PCDH7: variants seen among roughly 807,000 people sequenced by gnomAD.
PCDH7 encodes protocadherin-7.
A neutral mutation model predicts 58.9 loss-of-function variants in PCDH7; 17 were observed. The observed-to-expected ratio is 0.29, with a 90% CI of 0.20 to 0.43. PCDH7 has a LOEUF of 0.43. Ranked by LOEUF, PCDH7 falls within the 20% of genes least tolerant of loss-of-function variation. The pLI, the probability that PCDH7 is intolerant of heterozygous loss-of-function variation, is 1.00. For synonymous variants in PCDH7, 664 were observed against 616.4 expected, an observed-to-expected ratio of 1.08 and a Z score of -1.14; for missense variants, 1,274 against 1,441.0, an observed-to-expected ratio of 0.88 and a Z score of 1.88.
chr4:30,801,673 C>A (rs998425870), intron 1 of PCDH7, among the ~76,000 whole-genome samples: 4 of 151,878 alleles, frequency 2.6e-5, no homozygotes, highest in African/African-American at 9.7e-5. Context: ...ATATTTTAAA[C>A]CAAAGAAAGC....
At chr4:30,931,163 C>T (rs1744530686) in intron 2 of PCDH7, among the ~76,000 whole-genome samples, 1 of 152,130 alleles carries the variant, frequency 6.6e-6, no homozygotes, top group Admixed American at 6.5e-5. Flanking sequence ...CACCCCTTTT[C>T]CCCACTATAC....
chr4:30,949,440 A>G (rs1274065965), intron 2 of PCDH7, among the ~76,000 whole-genome samples: 1 of 152,112 alleles, frequency 6.6e-6, no homozygotes, highest in African/African-American at 2.4e-5. Flanking sequence ...ACTGTTTGGT[A>G]TACAATTTAA....
intron 3 of PCDH7, among the ~76,000 whole-genome samples, chr4:30,974,725 A>G (rs896519227): frequency 2.0e-5 from 3 of 152,182 alleles, no homozygotes; most frequent in African/African-American, 4.8e-5. Flanking sequence ...ATTCAGCCCA[A>G]TTCAGCAGTT....
At chr4:30,748,385 C>T (rs1316655416) in intron 1 of PCDH7, among the ~76,000 whole-genome samples, 1 of 152,110 alleles carries the variant, frequency 6.6e-6, no homozygotes, top group Non-Finnish European at 1.5e-5. Context: ...ATTTATTTGG[C>T]TCACAGTTCT....
At chr4:30,987,720 T>G (rs1222195868) in intron 3 of PCDH7, 7 of 152,114 alleles carry the variant, frequency 4.6e-5, no homozygotes, top group Non-Finnish European at 8.8e-5. Context: ...TACATTTATT[T>G]CTGATATATT....
At chr4:30,968,358 A>G (rs1282505615) in intron 3 of PCDH7, among the ~76,000 whole-genome samples, 1 of 92,998 alleles carries the variant, frequency 1.1e-5, no homozygotes, top group Non-Finnish European at 2.0e-5. Flanking sequence ...ATATACACAC[A>G]CTATATATAT....
chr4:30,956,885 A>G (rs1234273284), intron 3 of PCDH7, among the ~76,000 whole-genome samples: 4 of 152,206 alleles, frequency 2.6e-5, no homozygotes, highest in Non-Finnish European at 5.9e-5. Context: ...ATAGGAAAGC[A>G]AACAAAAAAT....
chr4:30,792,572 A>T (rs1256558901), intron 1 of PCDH7, among the ~76,000 whole-genome samples: 2 of 152,128 alleles, frequency 1.3e-5, no homozygotes, highest in Non-Finnish European at 2.9e-5. Context: ...ATTCAAAATG[A>T]ACGTCTTAGC....
chr4:30,774,829 A>T (rs1482312492), intron 1 of PCDH7, among the ~76,000 whole-genome samples: 1 of 152,156 alleles, frequency 6.6e-6, no homozygotes, highest in Non-Finnish European at 1.5e-5. Flanking sequence ...TACCTAACTG[A>T]TAGTATTTCT....
intron 1 of PCDH7, among the ~76,000 whole-genome samples, chr4:30,909,050 C>T (rs976356715): frequency 6.6e-6 from 1 of 151,968 alleles, no homozygotes; most frequent in Non-Finnish European, 1.5e-5. Flanking sequence ...AAACATAGTC[C>T]ATCAGATAAA....
At chr4:30,744,612 G>A (rs544847206) in intron 1 of PCDH7, among the ~76,000 whole-genome samples, 39 of 152,278 alleles carry the variant, frequency 2.6e-4, no homozygotes, top group African/African-American at 8.9e-4. Context: ...CCCTGAGGAA[G>A]GACTGACTGA....
chr4:30,911,125 A>G (rs1383125407), intron 1 of PCDH7, among the ~76,000 whole-genome samples: 1 of 152,090 alleles, frequency 6.6e-6, no homozygotes, highest in Non-Finnish European at 1.5e-5. Flanking sequence ...ACATGGGCAC[A>G]GGGAGAGGAA....
At chr4:30,906,016 C>T (rs978247628) in intron 1 of PCDH7, among the ~76,000 whole-genome samples, 9 of 152,140 alleles carry the variant, frequency 5.9e-5, no homozygotes, top group Non-Finnish European at 1.5e-5. Context: ...AATGTCTTTG[C>T]TTTTCCACAA....
chr4:31,046,172 T>C (rs964797174), intron 3 of PCDH7, among the ~76,000 whole-genome samples: 19 of 152,070 alleles, frequency 1.2e-4, no homozygotes, highest in African/African-American at 3.4e-4. Flanking sequence ...GGCTAAATAG[T>C]CCAGTCTAGG....
chr4:30,734,855 A>G (rs1007666739), downstream of PCDH7, among the ~76,000 whole-genome samples: 1 of 152,110 alleles, frequency 6.6e-6, no homozygotes, highest in African/African-American at 2.4e-5. Flanking sequence ...ATTTTATATT[A>G]GGCTCTGAGA....
At chr4:30,810,462 AT>A (rs1726830546) in intron 1 of PCDH7, among the ~76,000 whole-genome samples, 1 of 151,982 alleles carries the variant, frequency 6.6e-6, no homozygotes, top group African/African-American at 2.4e-5. Flanking sequence ...CTCATTGGAA[AT>A]AAATGGTAAA....
At chr4:30,762,858 A>G (rs1720201073) in intron 1 of PCDH7, among the ~76,000 whole-genome samples, 1 of 152,194 alleles carries the variant, frequency 6.6e-6, no homozygotes, top group Admixed American at 6.5e-5. Context: ...CTGTCATTAG[A>G]ATGGACATAC....
intron 1 of PCDH7, among the ~76,000 whole-genome samples, chr4:30,870,903 A>G (rs1735494581): frequency 6.6e-6 from 1 of 152,102 alleles, no homozygotes; most frequent in South Asian, 2.1e-4. Flanking sequence ...GCACCTGTAA[A>G]CATCTTCTAT....
At chr4:31,023,734 T>C (rs899428639) in intron 3 of PCDH7, among the ~76,000 whole-genome samples, 9 of 152,174 alleles carry the variant, frequency 5.9e-5, no homozygotes, top group African/African-American at 2.2e-4. Context: ...ATTTTAGAAT[T>C]ACAGAAGAAT....
Sources: allele counts gnomAD v4.1 joint callset (sites outside exome capture counted in the v4.1 genomes callset), GRCh38; gene constraint gnomAD v4.1.1; transcripts MANE v1.5; gene names NCBI Gene and HGNC (gene_info 2026-07-23, HGNC 2026-07-21).